Variants in UAP1 observed in about 807,000 individuals in gnomAD.
UAP1 encodes UDP-N-acetylglucosamine pyrophosphorylase 1.
A neutral mutation model predicts 58.5 loss-of-function variants in UAP1; 25 were observed. The observed-to-expected ratio is 0.43, with a 90% CI of 0.31 to 0.60. The LOEUF (loss-of-function observed/expected upper bound fraction) is 0.60, where lower values mean the gene tolerates loss of function less well. UAP1 is among the 20% of genes least tolerant of loss of function. UAP1 has a pLI of 0.11. For missense variants in UAP1, 575 were observed against 630.0 expected (o/e 0.91, Z 0.93); for synonymous variants, 208 against 213.0 (o/e 0.98, Z 0.21).
intron 2 of UAP1, among the ~76,000 whole-genome samples, chr1:162,574,847 C>T (rs548581340): frequency 3.6e-4 from 55 of 151,708 alleles, no homozygotes; most frequent in African/African-American, 1.3e-3. Context: ...TTTATAGTTA[C>T]ATTTATTTGC....
chr1:162,579,918 A>G (rs12078758), intron 4 of UAP1, among the ~76,000 whole-genome samples: 43,366 of 152,052 alleles, frequency 0.29, 6,631 homozygotes, highest in African/African-American at 0.38. Context: ...AGGCTGGAGT[A>G]CAGTGGCGCA....
Position 162,567,588 on chromosome 1 carries a change from C to G in UAP1, c.280+1240C>G, listed in dbSNP as rs997949665. Among the ~76,000 whole-genome samples, 4 of 152,272 alleles carry G rather than the reference C, an allele frequency of 2.6e-5. No homozygotes were observed. The South Asian group carries it at 8.3e-4, about 32-fold the overall frequency. On this transcript the variant is annotated intron_variant, in intron 2 of 10. Coordinates refer to ENST00000271469, the Ensembl canonical transcript of UAP1. ...TTGACTAAATATTGTAGCTGATTCCCTCAGTGTTGGTACGTGATCCTTGTC... is the reference window on the plus strand; with the variant it reads ...TTGACTAAATATTGTAGCTGATTCCGTCAGTGTTGGTACGTGATCCTTGTC...
intron 8 of UAP1, among the ~76,000 whole-genome samples, chr1:162,591,998 C>G (rs750369761): frequency 1.3e-5 from 2 of 152,194 alleles, no homozygotes; most frequent in Non-Finnish European, 2.9e-5. Flanking sequence ...TAGAATTTCC[C>G]TTTCTGAATC....
chr1:162,600,565 A>T (rs1557984768), downstream of UAP1, among the ~76,000 whole-genome samples: 1 of 152,148 alleles, frequency 6.6e-6, no homozygotes, highest in African/African-American at 2.4e-5. Flanking sequence ...TAGAAAAGAG[A>T]TGAATAAATT....
At chr1:162,566,448 A>G (rs927385339) in intron 2 of UAP1, 100 bp downstream of exon 2, 8 of 1,257,764 alleles carry the variant, frequency 6.4e-6, no homozygotes, top group South Asian at 4.8e-5. Flanking sequence ...TTCATACTAC[A>G]TTAAACCAGG....
intron 3 of UAP1, among the ~76,000 whole-genome samples, chr1:162,577,797 A>G (rs6667948): frequency 0.22 from 32,838 of 151,732 alleles, 3,807 homozygotes; most frequent in Middle Eastern, 0.3. Context: ...TTTTTAGTAG[A>G]GATGGAGTTT....
downstream of UAP1, among the ~76,000 whole-genome samples, chr1:162,600,511 G>T (rs558652541): frequency 1.3e-5 from 2 of 152,168 alleles, no homozygotes; most frequent in South Asian, 4.1e-4. Flanking sequence ...TTGACCAAAA[G>T]TATAAAAAGG....
intron 5 of UAP1, among the ~76,000 whole-genome samples, chr1:162,582,431 A>T (rs1283957422): frequency 1.3e-5 from 2 of 152,168 alleles, no homozygotes; most frequent in African/African-American, 4.8e-5. Context: ...GATTAATGAA[A>T]ATAGAGTAGG....
At chr1:162,576,666 A>G in intron 2 of UAP1, 111 bp from the exon 3 acceptor site, 1 of 1,008,696 alleles carries the variant, frequency 9.9e-7, no homozygotes, top group Non-Finnish European at 1.5e-6. Flanking sequence ...AGGACAAGAC[A>G]GCTGTATAGC....
intron 2 of UAP1, among the ~76,000 whole-genome samples, chr1:162,574,204 T>G (rs1373779581): frequency 2.0e-5 from 3 of 150,988 alleles, no homozygotes; most frequent in Non-Finnish European, 3.0e-5. Flanking sequence ...GCAGTTCATC[T>G]GCCTCAGCCT....
At chr1:162,575,120 G>A (rs886138931) in intron 2 of UAP1, among the ~76,000 whole-genome samples, 3 of 152,084 alleles carry the variant, frequency 2.0e-5, no homozygotes, top group African/African-American at 7.2e-5. Flanking sequence ...CCAGGCTAGG[G>A]TGCAGTGGCA....
chr1:162,574,255 G>A (rs946892512), intron 2 of UAP1, among the ~76,000 whole-genome samples: 1 of 151,884 alleles, frequency 6.6e-6, no homozygotes, highest in African/African-American at 2.4e-5. Context: ...ACCACACCCA[G>A]CTAATTTTTG....
intron 2 of UAP1, among the ~76,000 whole-genome samples, chr1:162,572,656 ACTT>A (rs1488153268): frequency 6.6e-6 from 1 of 152,208 alleles, no homozygotes; most frequent in Non-Finnish European, 1.5e-5. Context: ...GGTATTTGGC[ACTT>A]CTTTTGAAGA....
intron 5 of UAP1, among the ~76,000 whole-genome samples, chr1:162,582,839 A>G (rs1480325005): frequency 2.0e-5 from 3 of 152,236 alleles, no homozygotes; most frequent in Non-Finnish European, 2.9e-5. Flanking sequence ...GGAAGCCGAA[A>G]TCTTAAATTT....
chr1:162,566,176 G>C (rs770749556), exon 2 of UAP1: 1 of 1,614,110 alleles, frequency 6.2e-7, no homozygotes, highest in South Asian at 1.1e-5. Flanking sequence ...TTTATGCAGA[G>C]CTCCAGGCCA....
At chr1:162,583,461 T>G (rs1299641333) in intron 5 of UAP1, among the ~76,000 whole-genome samples, 2 of 150,864 alleles carry the variant, frequency 1.3e-5, no homozygotes, top group Non-Finnish European at 3.0e-5. Flanking sequence ...CTGGTGTCAC[T>G]CTTTTTTCCT....
intron 3 of UAP1, 102 bp downstream of exon 3, chr1:162,577,083 C>T: frequency 8.7e-7 from 1 of 1,153,442 alleles, no homozygotes; most frequent in Non-Finnish European, 1.2e-6. Context: ...TTTCTTGTTA[C>T]TGTTGATTTT....
intron 1 of UAP1, among the ~76,000 whole-genome samples, chr1:162,564,542 G>T (rs183785919): frequency 5.5e-4 from 84 of 152,140 alleles, no homozygotes; most frequent in African/African-American, 2.0e-3. Flanking sequence ...CATTTTCTCT[G>T]CCACTAATCT....
At chr1:162,593,359 CAT>C (rs1203905066) in intron 9 of UAP1, 1 of 152,368 alleles carries the variant, frequency 6.6e-6, no homozygotes, top group African/African-American at 2.4e-5. Flanking sequence ...AGAAGTAACA[CAT>C]ATCCTCTCCC....
Sources: allele counts gnomAD v4.1 joint callset (sites outside exome capture counted in the v4.1 genomes callset), GRCh38; gene constraint gnomAD v4.1.1; transcripts MANE v1.5; gene names NCBI Gene and HGNC (gene_info 2026-07-23, HGNC 2026-07-21).